The following CCDC88A variants were observed in gnomAD, a reference collection of about 807,000 sequenced individuals.
The protein encoded by CCDC88A is coiled-coil and HOOK domain protein 88A, also known as girdin.
Under a neutral mutation model 234.3 loss-of-function variants are expected in CCDC88A, and 54 were observed. That is an observed-to-expected ratio of 0.23 (90% CI 0.19 to 0.29). The LOEUF (loss-of-function observed/expected upper bound fraction) is 0.29, where lower values mean the gene tolerates loss of function less well. Ranked by LOEUF, CCDC88A falls within the 10% of genes least tolerant of loss-of-function variation. CCDC88A has a pLI of 1.00. For missense variants in CCDC88A, 1,832 were observed against 2,123.4 expected (o/e 0.86, Z 2.70); for synonymous variants, 753 against 737.8 (o/e 1.02, Z -0.33).
rs1668904247 is a variant in CCDC88A, at chr2:55,344,864, A to C, written c.1042-350T>G. ...ATCAAGGCTTAATGTATTGACTGAA[A>C]TAGATTTAAATATTTCTCTGTACTT... On this transcript the variant is annotated intron_variant, in intron 10 of 32. Coordinates refer to ENST00000436346, the MANE Select transcript of CCDC88A (RefSeq NM_001365480.1). 2.0e-5 allele frequency among the ~76,000 whole-genome samples: 3 copies of C among 152,204 alleles called. No homozygotes were observed. In the South Asian group the frequency reaches 6.2e-4, roughly 32 times the overall value.
chr2:55,336,024 C>A (rs1685425543), intron 14 of CCDC88A, among the ~76,000 whole-genome samples: 1 of 151,694 alleles, frequency 6.6e-6, no homozygotes, highest in Non-Finnish European at 1.5e-5. Context: ...GATACTTTGT[C>A]TCTACCAAAA....
At chr2:55,355,506 A>T in intron 8 of CCDC88A, 73 bp downstream of exon 8, 2 of 1,273,404 alleles carry the variant, frequency 1.6e-6, no homozygotes, top group Admixed American at 1.8e-5. Flanking sequence ...ATATTTCCAT[A>T]AGCTTAAAAA....
rs142752361 is a variant in CCDC88A, at chr2:55,317,708, T to C, written c.3458A>G (p.Tyr1153Cys). 47 of 1,613,630 alleles carry C rather than the reference T, an allele frequency of 2.9e-5. 1 individual carries two copies. Among genetic ancestry groups the C allele is most frequent in the South Asian group, 4.4e-5 (4 of 91,068 alleles). Reference protein sequence around the residue: ...IKEREDLKSLYDSLIKDHEKL... With the variant: ...IKEREDLKSLCDSLIKDHEKL... Reference sequence around the variant, plus strand: ...TTCATGATCTTTGATCAGAGAATCATAGAGAGATTTTAGGTCTTCTCGCTC... The same window carrying C: ...TTCATGATCTTTGATCAGAGAATCACAGAGAGATTTTAGGTCTTCTCGCTC... The change falls in exon 20 of 33, where the codon TAT (tyrosine) becomes TGT (cysteine). Residue 1153 changes from tyrosine to cysteine, a missense_variant. Tyr to Cys is a radical substitution (Grantham distance 194, BLOSUM62 -2). Around this residue, in one of 6 missense-constraint regions of CCDC88A, gnomAD observed 1,282 missense variants for 1,543.6 expected, o/e 0.83. Coordinates refer to ENST00000436346, the MANE Select transcript of CCDC88A (RefSeq NM_001365480.1). This position sits in a 1 kb window ranked among gnomAD's most constrained non-coding sequence, Gnocchi z 4.2.
intron 3 of CCDC88A, among the ~76,000 whole-genome samples, chr2:55,387,108 C>T (rs1428938805): frequency 3.2e-5 from 4 of 125,634 alleles, no homozygotes. Context: ...ACCCAGGAGG[C>T]GGAAGTTGCA....
intron 3 of CCDC88A, among the ~76,000 whole-genome samples, chr2:55,387,193 A>G (rs1254426896): frequency 6.6e-6 from 1 of 151,152 alleles, no homozygotes; most frequent in Non-Finnish European, 1.5e-5. Flanking sequence ...AAAAAAAAAA[A>G]AAAAAAAGAA....
chr2:55,320,190 T>C (rs955478705), intron 18 of CCDC88A, among the ~76,000 whole-genome samples: 1 of 152,162 alleles, frequency 6.6e-6, no homozygotes, highest in African/African-American at 2.4e-5. Context: ...TGTATTTATA[T>C]ACCATCTCAG....
chr2:55,410,892 CAAA>C (rs71924495), intron 2 of CCDC88A, among the ~76,000 whole-genome samples: 9 of 131,916 alleles, frequency 6.8e-5, no homozygotes, highest in Admixed American at 7.4e-5. Flanking sequence ...GGCCTTGTCT[CAAA>C]AAAAAAAAAA....
chr2:55,325,063 T>C (rs1684097011), intron 17 of CCDC88A, among the ~76,000 whole-genome samples: 1 of 152,244 alleles, frequency 6.6e-6, no homozygotes, highest in Non-Finnish European at 1.5e-5. Context: ...CAATATTTGA[T>C]CAATATTTCC....
At chr2:55,315,731 G>A (rs75253721) in intron 22 of CCDC88A, among the ~76,000 whole-genome samples, 197 bp downstream of exon 22, 2,150 of 152,242 alleles carry the variant, frequency 0.014, 26 homozygotes, top group Middle Eastern at 0.027. Context: ...TAAGCTAATA[G>A]TTTTTAAAAT....
intron 29 of CCDC88A, among the ~76,000 whole-genome samples, chr2:55,297,792 C>T (rs1680372830): frequency 6.6e-6 from 1 of 151,956 alleles, no homozygotes; most frequent in Non-Finnish European, 1.5e-5. Context: ...TAATTATTTG[C>T]TTATCTAAGA....
intron 9 of CCDC88A, among the ~76,000 whole-genome samples, chr2:55,346,945 CA>C (rs2104732559): frequency 6.6e-6 from 1 of 151,794 alleles, no homozygotes; most frequent in South Asian, 2.1e-4. Flanking sequence ...TGCTATCTGT[CA>C]GGAATGTAAA....
In CCDC88A at chr2:55,295,645, C is replaced by T; in HGVS notation, c.5503G>A (p.Val1835Ile). ...LTKDSRLPIS[V>I]DSPPAAADSN... The stretch of plus-strand genomic sequence containing the variant: ...TCAGCAGCAGCTGGTGGTGAATCAA[C>T]TGATATAGGCAGTCTACTGTCCTTG... Residue 1835 changes from valine to isoleucine, a missense_variant, in exon 31 of 33, where the codon GTT becomes ATT. Around this residue, in one of 6 missense-constraint regions of CCDC88A, gnomAD observed 422 missense variants for 416.5 expected, o/e 1.01. Coordinates refer to ENST00000436346, the MANE Select transcript of CCDC88A (RefSeq NM_001365480.1). 1.2e-6 allele frequency: 2 copies of T among 1,614,196 alleles called. No homozygotes were observed. The highest frequency in any genetic ancestry group is 2.7e-5 in the African/African-American group (2 of 75,032).
At chr2:55,409,738 C>CTTTTTTTTTTT (rs61703330) in intron 2 of CCDC88A, among the ~76,000 whole-genome samples, 12 of 111,726 alleles carry the variant, frequency 1.1e-4, no homozygotes, top group Admixed American at 3.6e-4. Flanking sequence ...ATATACCTCC[C>CTTTTTTTTTTT]TTTTTTTTTT....
In CCDC88A at chr2:55,301,274, G is replaced by A. The variant is rs765395419; in HGVS notation, c.4676C>T (p.Thr1559Ile). ...TGGACTTATGTCTTCAAAGGATGTA[G>A]TATCTACATAAAATAGCAAAATGGA... ...RSKQLVNNKDTTSFEDISPQG... is the reference protein window; with the variant it reads ...RSKQLVNNKDITSFEDISPQG... The change falls in exon 28 of 33, where the codon ACT (threonine) becomes ATT (isoleucine). Residue 1559 changes from threonine to isoleucine, a missense_variant. By Grantham distance (89) the Thr-to-Ile change is moderately conservative. Transcript: ENST00000436346. The A allele has an allele frequency of 1.9e-6, 3 of 1,550,850 alleles. No individual in the cohort carries two copies. Among genetic ancestry groups the A allele is most frequent in the African/African-American group, 1.4e-5 (1 of 72,744 alleles).
At chr2:55,312,355 A>G in intron 23 of CCDC88A, 79 bp downstream of exon 23, 1 of 1,280,382 alleles carries the variant, frequency 7.8e-7, no homozygotes, top group Non-Finnish European at 1.1e-6. Context: ...AATTAGCATG[A>G]ATTTTCTCTG....
chr2:55,383,174 T>G (rs1674886824), intron 3 of CCDC88A, among the ~76,000 whole-genome samples: 1 of 152,104 alleles, frequency 6.6e-6, no homozygotes, highest in South Asian at 2.1e-4. Context: ...TCTTAGGGTA[T>G]TCTGTCAATA....
At chr2:55,304,373 C>T (rs1399202266) in intron 25 of CCDC88A, among the ~76,000 whole-genome samples, 2 of 152,130 alleles carry the variant, frequency 1.3e-5, no homozygotes, top group Non-Finnish European at 2.9e-5. Flanking sequence ...AAATAAATTC[C>T]TTCTTGGTTT....
At chr2:55,302,404 C>T (rs1681003775) in intron 26 of CCDC88A, among the ~76,000 whole-genome samples, 1 of 151,984 alleles carries the variant, frequency 6.6e-6, no homozygotes. Flanking sequence ...TTTGTGGTGA[C>T]AAAAATGGAA....
rs188934403 is a variant in CCDC88A at position 55,413,779 on chromosome 2, C to T, written c.164+5037G>A. ...CCAGCCTGGGCAACACAGTGAAACT[C>T]CATCTCTACAAAAAATACAAAAATT... On this transcript the variant is annotated intron_variant, in intron 2 of 32. Coordinates refer to ENST00000436346, the MANE Select transcript of CCDC88A (RefSeq NM_001365480.1). 4.6e-5 allele frequency among the ~76,000 whole-genome samples: 7 copies of T among 151,968 alleles called. No individual in the cohort carries two copies. The East Asian group carries it at 1.4e-3, about 29-fold the overall frequency.
Sources: gnomAD v4.1 joint callset for allele counts (sites outside exome capture counted in the v4.1 genomes callset) on GRCh38, gnomAD v4.1.1 for gene constraint, gnomAD v4.1.1 regional missense constraint, Gnocchi (gnomAD v3.1) non-coding constraint, MANE v1.5 for transcripts, NCBI Gene and HGNC (gene_info 2026-07-23, HGNC 2026-07-21) for gene names.